The following TP63 variants were observed in gnomAD, a reference collection of about 807,000 sequenced individuals.
The protein encoded by TP63 is tumor protein p63.
A neutral mutation model predicts 82.8 loss-of-function variants in TP63; 17 were observed. The observed-to-expected ratio is 0.21, with a 90% CI of 0.14 to 0.31. The LOEUF (loss-of-function observed/expected upper bound fraction) is 0.31, where lower values mean the gene tolerates loss of function less well. Among genes scored for constraint, TP63 ranks in the 10% least tolerant of loss-of-function variants. The pLI, the probability that TP63 is intolerant of heterozygous loss-of-function variation, is 1.00. For missense variants in TP63, 648 were observed against 895.3 expected (o/e 0.72, Z 3.52); for synonymous variants, 330 against 321.7 (o/e 1.03, Z -0.28).
At chr3:189,726,697 G>T (rs1719800229) in intron 1 of TP63, among the ~76,000 whole-genome samples, 1 of 152,054 alleles carries the variant, frequency 6.6e-6, no homozygotes, top group Admixed American at 6.6e-5. Context: ...TTATTTCCAG[G>T]TCCACATCTG....
intron 1 of TP63, among the ~76,000 whole-genome samples, chr3:189,667,239 A>G (rs533108161): frequency 6.7e-6 from 1 of 149,106 alleles, no homozygotes; most frequent in Admixed American, 6.8e-5. Context: ...CAGTGGTGCA[A>G]TCTCTACTCA....
At chr3:189,636,270 A>G (rs1035842516) in intron 1 of TP63, among the ~76,000 whole-genome samples, 2 of 152,196 alleles carry the variant, frequency 1.3e-5, no homozygotes, top group Admixed American at 1.3e-4. Context: ...AGCAGAGTGC[A>G]CAAAGGATTT....
At chr3:189,886,684 C>T in intron 11 of TP63, 133 bp downstream of exon 11, 1 of 1,313,170 alleles carries the variant, frequency 7.6e-7, no homozygotes, top group Non-Finnish European at 1.0e-6. Flanking sequence ...AGTGGAGTGG[C>T]TTGGGTTTCT....
chr3:189,608,767 T>G, the TP63 span, among the ~76,000 whole-genome samples: 2 of 152,114 alleles, frequency 1.3e-5, no homozygotes, highest in African/African-American at 4.8e-5. Context: ...TAAGCCCCCA[T>G]TTATTTTCTC....
At chr3:189,690,655 G>A (rs746923909) in intron 1 of TP63, among the ~76,000 whole-genome samples, 24 of 152,100 alleles carry the variant, frequency 1.6e-4, no homozygotes, top group Non-Finnish European at 2.8e-4. Flanking sequence ...CCCAAACCCC[G>A]GTAGAATAAG....
chr3:189,630,905 T>A (rs187687256), upstream of TP63, among the ~76,000 whole-genome samples: 7 of 150,894 alleles, frequency 4.6e-5, no homozygotes, highest in Admixed American at 2.0e-4. Flanking sequence ...AAAGGGAAAC[T>A]GAAGGGCGGG....
chr3:189,751,367 C>T (rs1405072927), intron 3 of TP63, among the ~76,000 whole-genome samples: 2 of 152,112 alleles, frequency 1.3e-5, no homozygotes, highest in African/African-American at 4.8e-5. Flanking sequence ...ATGGTATTTC[C>T]AGTTCTAGAT....
chr3:189,767,193 T>C (rs1723018061), intron 3 of TP63, among the ~76,000 whole-genome samples: 2 of 152,212 alleles, frequency 1.3e-5, no homozygotes, highest in Non-Finnish European at 2.9e-5. Flanking sequence ...CTTTATTATT[T>C]ATTAGCATCT....
At chr3:189,609,328 T>C in the TP63 span, among the ~76,000 whole-genome samples, 1 of 152,164 alleles carries the variant, frequency 6.6e-6, no homozygotes, top group Admixed American at 6.5e-5. Flanking sequence ...TAATAGTGCA[T>C]AAATAAGAAT....
the TP63 span, among the ~76,000 whole-genome samples, chr3:189,622,423 T>C: frequency 8.5e-5 from 13 of 152,326 alleles, no homozygotes; most frequent in African/African-American, 3.1e-4. Flanking sequence ...ACTATCTGGC[T>C]GAATGATTAA....
At chr3:189,732,802 T>TGA (rs57926122) in intron 1 of TP63, among the ~76,000 whole-genome samples, 6,222 of 152,178 alleles carry the variant, frequency 0.041, 433 homozygotes, top group African/African-American at 0.14. Flanking sequence ...AATACAGAGC[T>TGA]GAGAGAGAGA....
chr3:189,669,939 TTAAG>T (rs1468783008), intron 1 of TP63, among the ~76,000 whole-genome samples: 1 of 152,022 alleles, frequency 6.6e-6, no homozygotes, highest in African/African-American at 2.4e-5. Flanking sequence ...AATGTTTGCA[TTAAG>T]TGTTAAACAT....
chr3:189,769,635 G>T (rs1009201993), intron 3 of TP63, among the ~76,000 whole-genome samples: 3 of 152,058 alleles, frequency 2.0e-5, no homozygotes, highest in Admixed American at 6.6e-5. Context: ...GCCAATAAAT[G>T]GTTTATATAC....
chr3:189,872,432 CAT>C (rs1464080971), intron 9 of TP63, among the ~76,000 whole-genome samples: 5 of 146,342 alleles, frequency 3.4e-5, no homozygotes, highest in Non-Finnish European at 7.5e-5. Context: ...CACACACACA[CAT>C]ATTTTCTCCA....
intron 3 of TP63, among the ~76,000 whole-genome samples, chr3:189,759,185 C>T (rs555304374): frequency 2.4e-4 from 37 of 152,280 alleles, no homozygotes; most frequent in African/African-American, 8.9e-4. Context: ...GCATCAGCAT[C>T]ATCTAAGAAC....
At chr3:189,764,976 C>G (rs1722831411) in intron 3 of TP63, among the ~76,000 whole-genome samples, 1 of 152,092 alleles carries the variant, frequency 6.6e-6, no homozygotes, top group Admixed American at 6.6e-5. Context: ...TAAAAAAGAA[C>G]TCTTTTAGAT....
chr3:189,708,058 GT>G (rs1188108609), intron 1 of TP63, among the ~76,000 whole-genome samples: 2 of 152,028 alleles, frequency 1.3e-5, no homozygotes, highest in Non-Finnish European at 2.9e-5. Flanking sequence ...AGTCATCTAT[GT>G]TTTTTTCGTT....
chr3:189,616,485 G>T, the TP63 span, among the ~76,000 whole-genome samples: 1 of 152,206 alleles, frequency 6.6e-6, no homozygotes, highest in Non-Finnish European at 1.5e-5. Flanking sequence ...ACAGCTGGTT[G>T]TCTTTGGCTG....
intron 1 of TP63, among the ~76,000 whole-genome samples, chr3:189,639,225 A>G (rs977025021): frequency 3.9e-5 from 6 of 152,170 alleles, no homozygotes; most frequent in African/African-American, 1.4e-4. Context: ...GACTCTGTCT[A>G]TGTAATTACA....
Sources: allele counts gnomAD v4.1 joint callset (sites outside exome capture counted in the v4.1 genomes callset), GRCh38; gene constraint gnomAD v4.1.1; transcripts MANE v1.5; gene names NCBI Gene and HGNC (gene_info 2026-07-23, HGNC 2026-07-21).